The following EYS variants were observed in gnomAD, a reference collection of about 807,000 sequenced individuals.
EYS encodes the protein protein eyes shut homolog.
A neutral mutation model predicts 282.1 loss-of-function variants in EYS; 250 were observed. That is an observed-to-expected ratio of 0.89 (90% CI 0.80 to 0.98). The LOEUF (loss-of-function observed/expected upper bound fraction) is 0.98. Ranked by LOEUF, EYS falls within the 50% of genes least tolerant of loss-of-function variation. EYS has a pLI of 0.00. For synonymous variants in EYS, 1,355 were observed against 1,282.9 expected (o/e 1.06, Z -1.20); for missense variants, 4,016 against 3,709.0 (o/e 1.08, Z -2.15).
At chr6:64,901,179 G>A (rs1767648736) in intron 18 of EYS, among the ~76,000 whole-genome samples, 1 of 151,438 alleles carries the variant, frequency 6.6e-6, no homozygotes, top group South Asian at 2.1e-4. Context: ...TTATAAGTGG[G>A]AGTTGCCCAA....
intron 22 of EYS, among the ~76,000 whole-genome samples, chr6:64,662,712 G>C (rs1435175420): frequency 2.6e-5 from 4 of 152,014 alleles, no homozygotes; most frequent in Non-Finnish European, 4.4e-5. Context: ...TAGGTTCCAG[G>C]TTTTGTATAA....
At chr6:64,837,691 A>G (rs1407115812) in intron 19 of EYS, among the ~76,000 whole-genome samples, 1 of 146,920 alleles carries the variant, frequency 6.8e-6, no homozygotes, top group Non-Finnish European at 1.5e-5. Flanking sequence ...TAGGATATAT[A>G]TATATATGTA....
At chr6:64,190,983 T>G (rs191663156) in intron 31 of EYS, among the ~76,000 whole-genome samples, 235 of 152,336 alleles carry the variant, frequency 1.5e-3, no homozygotes, top group Non-Finnish European at 2.5e-3. Context: ...AAACACATTT[T>G]CATACATTTA....
At chr6:65,490,930 T>C (rs1412850559) in intron 4 of EYS, among the ~76,000 whole-genome samples, 2 of 152,160 alleles carry the variant, frequency 1.3e-5, no homozygotes, top group African/African-American at 4.8e-5. Context: ...CCAAATATTT[T>C]TTCTGGCTTG....
At chr6:64,125,230 C>T (rs142578891) in intron 31 of EYS, among the ~76,000 whole-genome samples, 77 of 151,870 alleles carry the variant, frequency 5.1e-4, no homozygotes, top group African/African-American at 1.8e-3. Context: ...TACAACCAGG[C>T]TTTCTGGGGA....
intron 14 of EYS, among the ~76,000 whole-genome samples, chr6:64,971,151 G>T (rs1185528835): frequency 6.6e-6 from 1 of 152,122 alleles, no homozygotes; most frequent in Admixed American, 6.6e-5. Flanking sequence ...ATTTTAGGAA[G>T]AGTTTGGCTT....
chr6:64,958,716 C>T (rs1338852334), intron 14 of EYS, among the ~76,000 whole-genome samples: 1 of 65,482 alleles, frequency 1.5e-5, no homozygotes, highest in African/African-American at 6.0e-5. Flanking sequence ...GCCTGGGCGA[C>T]AAAACGAGAC....
chr6:65,580,006 A>T (rs1417689802), intron 2 of EYS, among the ~76,000 whole-genome samples: 1 of 152,178 alleles, frequency 6.6e-6, no homozygotes, highest in African/African-American at 2.4e-5. Context: ...TCATGTAAAT[A>T]TTAAGTATCT....
chr6:63,811,463 C>G (rs1000499442), intron 36 of EYS, among the ~76,000 whole-genome samples: 1 of 152,164 alleles, frequency 6.6e-6, no homozygotes, highest in African/African-American at 2.4e-5. Context: ...TCCATGACCA[C>G]TGCACTGTCC....
intron 26 of EYS, among the ~76,000 whole-genome samples, chr6:64,545,093 C>T (rs1764812415): frequency 6.6e-6 from 1 of 152,178 alleles, no homozygotes; most frequent in Admixed American, 6.5e-5. Flanking sequence ...ACCAATATCC[C>T]TGATGAACAT....
chr6:65,657,346 G>GA (rs1767862304), intron 1 of EYS, among the ~76,000 whole-genome samples: 1 of 151,694 alleles, frequency 6.6e-6, no homozygotes, highest in South Asian at 2.1e-4. Flanking sequence ...TTCTCTGAGG[G>GA]ATCTTCCGGA....
intron 29 of EYS, among the ~76,000 whole-genome samples, chr6:64,307,998 T>C (rs1212774102): frequency 1.3e-5 from 2 of 151,974 alleles, no homozygotes; most frequent in Non-Finnish European, 2.9e-5. Flanking sequence ...TTACAGTAAA[T>C]TATCAATGAA....
intron 13 of EYS, among the ~76,000 whole-genome samples, chr6:65,025,644 G>T (rs1000027348): frequency 6.6e-6 from 1 of 152,156 alleles, no homozygotes; most frequent in Non-Finnish European, 1.5e-5. Context: ...AACCCAGGAG[G>T]GAGAGGTTGC....
At chr6:65,064,862 G>T (rs1478965844) in intron 12 of EYS, among the ~76,000 whole-genome samples, 4 of 152,090 alleles carry the variant, frequency 2.6e-5, no homozygotes, top group Non-Finnish European at 5.9e-5. Flanking sequence ...ACCTTGGACT[G>T]AAAGCTGGGA....
intron 1 of EYS, among the ~76,000 whole-genome samples, chr6:65,684,501 C>T (rs1369133114): frequency 1.3e-5 from 2 of 151,888 alleles, no homozygotes; most frequent in Admixed American, 6.6e-5. Context: ...TGTATAGACG[C>T]TATATGGTAC....
At chr6:64,610,662 C>T (rs1767085513) in intron 24 of EYS, among the ~76,000 whole-genome samples, 1 of 151,994 alleles carries the variant, frequency 6.6e-6, no homozygotes, top group Admixed American at 6.6e-5. Flanking sequence ...CCTTGGCTCC[C>T]CAAAGTGCTG....
chr6:65,558,177 G>A (rs780521817), intron 2 of EYS, among the ~76,000 whole-genome samples: 1 of 152,154 alleles, frequency 6.6e-6, no homozygotes, highest in Non-Finnish European at 1.5e-5. Context: ...CATCCAGCGT[G>A]CCCAGGCTGT....
intron 13 of EYS, among the ~76,000 whole-genome samples, chr6:65,006,613 C>T (rs942260497): frequency 2.6e-5 from 4 of 151,776 alleles, no homozygotes; most frequent in African/African-American, 9.7e-5. Flanking sequence ...CTGATAATTC[C>T]CTTAACCCAG....
intron 36 of EYS, among the ~76,000 whole-genome samples, chr6:63,816,743 C>T (rs983873522): frequency 1.6e-4 from 25 of 152,314 alleles, no homozygotes; most frequent in East Asian, 1.5e-3. Context: ...TGTACATGTA[C>T]GCAAATAAGA....
Sources: allele counts gnomAD v4.1 joint callset (sites outside exome capture counted in the v4.1 genomes callset), GRCh38; gene constraint gnomAD v4.1.1; transcripts MANE v1.5; gene names NCBI Gene and HGNC (gene_info 2026-07-23, HGNC 2026-07-21).